FHIT: variants seen among roughly 807,000 people sequenced by gnomAD.
FHIT encodes the protein bis(5'-adenosyl)-triphosphatase.
FHIT carries 19 observed loss-of-function variants against 17.9 expected under a neutral mutation model. The observed-to-expected ratio is 1.06, with a 90% CI of 0.74 to 1.56. The LOEUF (loss-of-function observed/expected upper bound fraction) is 1.56. Ranked by LOEUF, FHIT falls within the 40% of genes most tolerant of loss-of-function variation. The pLI is 0.00. For synonymous variants in FHIT, 81 were observed against 69.7 expected, an observed-to-expected ratio of 1.16 and a Z score of -0.81; for missense variants, 248 against 189.2, an observed-to-expected ratio of 1.31 and a Z score of -1.82.
intron 5 of FHIT, among the ~76,000 whole-genome samples, chr3:60,450,681 T>G (rs184454714): frequency 4.1e-4 from 63 of 152,142 alleles, no homozygotes; most frequent in African/African-American, 1.4e-3. Flanking sequence ...AGTGGGGAAT[T>G]TGGGGATGAA....
intron 5 of FHIT, among the ~76,000 whole-genome samples, chr3:60,351,512 G>A (rs1699392804): frequency 1.3e-5 from 2 of 152,140 alleles, no homozygotes; most frequent in African/African-American, 4.8e-5. Flanking sequence ...CAGGGTCAGG[G>A]AAATGGAGAC....
chr3:61,214,373 A>G (rs972954497), intron 1 of FHIT, among the ~76,000 whole-genome samples: 2 of 152,210 alleles, frequency 1.3e-5, no homozygotes, highest in South Asian at 4.1e-4. Context: ...AGAATACTAC[A>G]AACACCTCTG....
chr3:60,523,277 T>G (rs981252520), intron 5 of FHIT, among the ~76,000 whole-genome samples: 1 of 152,210 alleles, frequency 6.6e-6, no homozygotes, highest in Non-Finnish European at 1.5e-5. Flanking sequence ...AATCTCACTT[T>G]TGGTCCATCT....
chr3:59,783,616 G>C (rs1702702474), intron 8 of FHIT, among the ~76,000 whole-genome samples: 3 of 152,168 alleles, frequency 2.0e-5, no homozygotes, highest in Admixed American at 6.5e-5. Flanking sequence ...TCTCTATTGA[G>C]GTTTTGGGTC....
chr3:60,574,099 C>G (rs1422623829), intron 4 of FHIT, among the ~76,000 whole-genome samples: 1 of 152,088 alleles, frequency 6.6e-6, no homozygotes, highest in Non-Finnish European at 1.5e-5. Flanking sequence ...CGGGAGCCAC[C>G]ACGTCTGGTT....
chr3:60,326,306 G>T (rs1709690860), intron 5 of FHIT, among the ~76,000 whole-genome samples: 1 of 152,048 alleles, frequency 6.6e-6, no homozygotes, highest in South Asian at 2.1e-4. Flanking sequence ...TTGTATTCTT[G>T]TGACTAGCTG....
intron 5 of FHIT, among the ~76,000 whole-genome samples, chr3:60,203,858 A>G (rs1306487652): frequency 6.6e-6 from 1 of 152,184 alleles, no homozygotes; most frequent in East Asian, 1.9e-4. Flanking sequence ...CAAACTTCGC[A>G]TGTTCTCACT....
At chr3:60,002,017 C>T (rs1404859935) in intron 7 of FHIT, among the ~76,000 whole-genome samples, 5 of 152,182 alleles carry the variant, frequency 3.3e-5, no homozygotes, top group African/African-American at 7.2e-5. Flanking sequence ...TGAATGTGAA[C>T]GTTAGGATAA....
At chr3:60,550,267 G>A (rs241682) in intron 4 of FHIT, among the ~76,000 whole-genome samples, 144,583 of 152,286 alleles carry the variant, frequency 0.95, 68,707 homozygotes, top group East Asian at 1. Flanking sequence ...TATATGATTT[G>A]TAAAACATTC....
chr3:60,122,692 G>A (rs896883407), intron 5 of FHIT, among the ~76,000 whole-genome samples: 10 of 152,152 alleles, frequency 6.6e-5, no homozygotes, highest in Admixed American at 2.0e-4. Flanking sequence ...ACTTTGGCTG[G>A]GGAGAGTTTG....
At chr3:60,413,215 A>G (rs1215124467) in intron 5 of FHIT, among the ~76,000 whole-genome samples, 1 of 152,174 alleles carries the variant, frequency 6.6e-6, no homozygotes, top group Non-Finnish European at 1.5e-5. Context: ...GATTTGAAGC[A>G]CTAGTCAGAA....
intron 4 of FHIT, among the ~76,000 whole-genome samples, chr3:60,762,063 A>G (rs535241894): frequency 6.6e-6 from 1 of 152,308 alleles, no homozygotes; most frequent in South Asian, 2.1e-4. Flanking sequence ...GGGCAGTCCA[A>G]TCAAGGATAG....
At chr3:60,258,815 T>C (rs893476900) in intron 5 of FHIT, among the ~76,000 whole-genome samples, 5 of 152,082 alleles carry the variant, frequency 3.3e-5, no homozygotes, top group Admixed American at 2.0e-4. Context: ...TATGATCTAA[T>C]GGTAATAAGC....
At chr3:60,121,703 A>ACAC (rs768150544) in intron 5 of FHIT, among the ~76,000 whole-genome samples, 1 of 73,608 alleles carries the variant, frequency 1.4e-5, no homozygotes, top group African/African-American at 5.9e-5. Context: ...ACAAACAAAC[A>ACAC]AAACAAACAC....
intron 5 of FHIT, among the ~76,000 whole-genome samples, chr3:60,132,297 C>T (rs1477815751): frequency 1.3e-5 from 2 of 152,204 alleles, no homozygotes; most frequent in East Asian, 3.8e-4. Context: ...TGGAAAGCAG[C>T]TGGCCTTGCT....
At chr3:60,151,454 C>A (rs1700461519) in intron 5 of FHIT, among the ~76,000 whole-genome samples, 2 of 152,132 alleles carry the variant, frequency 1.3e-5, no homozygotes, top group South Asian at 4.1e-4. Flanking sequence ...GCAATGTATT[C>A]TTCAAAGAAC....
In FHIT at chr3:60,025,120, T is replaced by A. The variant is rs369167494; in HGVS notation, c.104-10968A>T. ...GTAGTAGGTGAAGAGTGATGTAATT[T>A]TGAGATACGGTGGGTGGGACAGTGT... On this transcript the variant is annotated intron_variant, in intron 5 of 9. Transcript: ENST00000492590. 3.4e-4 allele frequency among the ~76,000 whole-genome samples: 52 copies of A among 152,250 alleles called. 1 individual carries two copies. The South Asian group carries it at 9.3e-3, about 27-fold the overall frequency.
intron 2 of FHIT, among the ~76,000 whole-genome samples, chr3:61,070,800 T>G (rs1050052403): frequency 6.6e-6 from 1 of 152,224 alleles, no homozygotes; most frequent in Non-Finnish European, 1.5e-5. Flanking sequence ...CTTACGATGG[T>G]GCAGCCCCTC....
intron 4 of FHIT, among the ~76,000 whole-genome samples, chr3:60,760,132 A>G (rs1220028176): frequency 1.3e-5 from 2 of 151,388 alleles, no homozygotes; most frequent in Non-Finnish European, 1.5e-5. Context: ...TTTAGTTTAG[A>G]GACACTACAG....
Sources: gnomAD v4.1 joint callset for allele counts (sites outside exome capture counted in the v4.1 genomes callset) on GRCh38, gnomAD v4.1.1 for gene constraint, MANE v1.5 for transcripts, NCBI Gene and HGNC (gene_info 2026-07-23, HGNC 2026-07-21) for gene names.